The following AIMP2 variants were observed in gnomAD, a reference collection of about 807,000 sequenced individuals.
AIMP2 encodes aminoacyl tRNA synthase complex-interacting multifunctional protein 2.
AIMP2 carries 20 observed loss-of-function variants against 23.4 expected under a neutral mutation model. That is an observed-to-expected ratio of 0.85 (90% CI 0.60 to 1.24). The LOEUF (loss-of-function observed/expected upper bound fraction) is 1.24. Among genes scored for constraint, AIMP2 ranks in the 50% most tolerant of loss-of-function variants. The pLI is 0.00. For synonymous variants in AIMP2, 210 were observed against 170.4 expected, an observed-to-expected ratio of 1.23 and a Z score of -1.81; for missense variants, 515 against 414.5, an observed-to-expected ratio of 1.24 and a Z score of -2.10.
intron 1 of AIMP2, chr7:6,012,607 G>A (rs950077225): frequency 1.2e-5 from 3 of 247,620 alleles, no homozygotes; most frequent in South Asian, 1.0e-4. Flanking sequence ...ACCCAGTCTG[G>A]AGTGCAATGT....
chr7:6,022,041 G>A (rs1203349815), intron 3 of AIMP2, among the ~76,000 whole-genome samples: 2 of 152,072 alleles, frequency 1.3e-5, no homozygotes, highest in Non-Finnish European at 2.9e-5. Flanking sequence ...AGACCTTCAT[G>A]ATGATCCACT....
chr7:6,013,893 G>T (rs933414895), intron 1 of AIMP2, among the ~76,000 whole-genome samples: 2 of 150,606 alleles, frequency 1.3e-5, no homozygotes, highest in Non-Finnish European at 2.9e-5. Context: ...CAAGGCTGCA[G>T]TGGGCCATGA....
At chr7:6,017,295 C>G (rs1000022382) in intron 2 of AIMP2, among the ~76,000 whole-genome samples, 36 of 151,838 alleles carry the variant, frequency 2.4e-4, no homozygotes, top group African/African-American at 8.2e-4. Context: ...ACGGACAGGT[C>G]ATTTGAGGTC....
rs529247469 is a variant in AIMP2, at chr7:6,015,361, G to T, written c.342+9G>T. On this transcript the variant is annotated intron_variant, in intron 2 of 3. Coordinates refer to ENST00000223029, the MANE Select transcript of AIMP2 (RefSeq NM_006303.4). ...ATTCAGTGCTTGGGAAGGTAGGTTCGTTTTGAAAGCTGAAACGTTAGTAGG... is the reference window on the plus strand; with the variant it reads ...ATTCAGTGCTTGGGAAGGTAGGTTCTTTTTGAAAGCTGAAACGTTAGTAGG... 5 of 1,613,732 alleles carry T rather than the reference G, an allele frequency of 3.1e-6. No homozygotes were observed. In the Admixed American group the frequency reaches 8.3e-5, roughly 27 times the overall value.
Position 6,023,688 on chromosome 7 carries a change from G to A in AIMP2, c.960G>A (p.Lys320=). Residue 320 remains lysine, a synonymous_variant, in exon 4 of 4, where the codon AAG becomes AAA. Transcript: ENST00000223029. ...APFNTALKLL[K] is the part of the protein sequence containing the mutation. ...TTAACACGGCCCTCAAGCTCCTTAAGTGAATTGCCGTAACTGATTTTAAAG... is the reference window on the plus strand; with the variant it reads ...TTAACACGGCCCTCAAGCTCCTTAAATGAATTGCCGTAACTGATTTTAAAG... The A allele has an allele frequency of 6.2e-7, 1 of 1,614,080 alleles. No individual in the cohort carries two copies. Among genetic ancestry groups the A allele is most frequent in the Non-Finnish European group, 8.5e-7 (1 of 1,179,976 alleles).
At chr7:6,021,533 G>C (rs1787418333) in intron 3 of AIMP2, among the ~76,000 whole-genome samples, 1 of 152,044 alleles carries the variant, frequency 6.6e-6, no homozygotes, top group Non-Finnish European at 1.5e-5. Context: ...AGGAAACCAT[G>C]AAATAGATCA....
At chr7:6,017,282 A>G (rs1299927105) in intron 2 of AIMP2, among the ~76,000 whole-genome samples, 1 of 151,980 alleles carries the variant, frequency 6.6e-6, no homozygotes, top group Non-Finnish European at 1.5e-5. Context: ...TTGGGAGGCC[A>G]AGACGGACAG....
intron 1 of AIMP2, among the ~76,000 whole-genome samples, chr7:6,010,332 T>G (rs1786560297): frequency 6.6e-6 from 1 of 152,020 alleles, no homozygotes. Flanking sequence ...TTCTTTCCAC[T>G]TAAACCTTCC....
intron 3 of AIMP2, among the ~76,000 whole-genome samples, chr7:6,020,120 C>A (rs946839352): frequency 2.0e-5 from 3 of 151,910 alleles, no homozygotes; most frequent in African/African-American, 7.3e-5. Context: ...ATTCATCTCA[C>A]ATTGAAAATG....
chr7:6,009,401 G>C lies in AIMP2; in HGVS notation c.38G>C (p.Gly13Ala). 1 of 1,611,628 alleles carries C rather than the reference G, an allele frequency of 6.2e-7. No homozygotes were observed. Among genetic ancestry groups the C allele is most frequent in the Non-Finnish European group, 8.5e-7 (1 of 1,179,994 alleles). Residue 13 changes from glycine to alanine, a missense_variant, in exon 1 of 4, where the codon GGC becomes GCC. Transcript: ENST00000223029. ...MYQVKPYHGG[G>A]APLRVELPTC... ...CAGGTAAAGCCCTATCACGGGGGCG[G>C]CGCGCCTCTCCGTGTGGAGCTTCCC...
chr7:6,011,542 C>T (rs1378055381), intron 1 of AIMP2, among the ~76,000 whole-genome samples: 7 of 152,192 alleles, frequency 4.6e-5, no homozygotes, highest in Non-Finnish European at 7.3e-5. Context: ...ATGGGTGAAT[C>T]GGTAACTTTT....
At chr7:6,016,737 C>T (rs1014390474) in intron 2 of AIMP2, 2 of 151,532 alleles carry the variant, frequency 1.3e-5, no homozygotes, top group Non-Finnish European at 2.9e-5. Context: ...CTGCCTAGGC[C>T]GACGTGTGGG....
intron 2 of AIMP2, 39 bp from the exon 3 acceptor site, chr7:6,017,775 G>A (rs781764319): frequency 1.8e-5 from 28 of 1,567,812 alleles, no homozygotes; most frequent in East Asian, 4.6e-5. Context: ...GGCACTCTCC[G>A]ATGACTGTTA....
chr7:6,017,636 G>T (rs925868872), intron 2 of AIMP2, among the ~76,000 whole-genome samples, 178 bp from the exon 3 acceptor site: 1 of 152,074 alleles, frequency 6.6e-6, no homozygotes, highest in Non-Finnish European at 1.5e-5. Flanking sequence ...GCTCCACTCC[G>T]TCCTGAGCGA....
intron 3 of AIMP2, among the ~76,000 whole-genome samples, chr7:6,019,050 A>C (rs1787217859): frequency 6.6e-6 from 1 of 152,048 alleles, no homozygotes; most frequent in Admixed American, 6.6e-5. Flanking sequence ...TGAGCATGAA[A>C]TCCCAACTGC....
At chr7:6,020,390 C>T (rs946600572) in intron 3 of AIMP2, among the ~76,000 whole-genome samples, 15 of 152,048 alleles carry the variant, frequency 9.9e-5, no homozygotes, top group Admixed American at 8.5e-4. Context: ...CACTATACTC[C>T]AGCCTGGGCT....
chr7:6,010,083 G>C (rs1390370612), intron 1 of AIMP2, among the ~76,000 whole-genome samples: 1 of 148,542 alleles, frequency 6.7e-6, no homozygotes, highest in East Asian at 2.0e-4. Context: ...TGAATCCCAA[G>C]AGTTTGAGAC....
intron 3 of AIMP2, chr7:6,022,280 A>C (rs1407553089): frequency 6.6e-6 from 1 of 152,178 alleles, no homozygotes. Flanking sequence ...GTTTATTGTA[A>C]GAATATAGCA....
intron 3 of AIMP2, among the ~76,000 whole-genome samples, chr7:6,021,935 G>C (rs10951975): frequency 0.2 from 29,827 of 151,984 alleles, 3,852 homozygotes; most frequent in African/African-American, 0.37. Flanking sequence ...CTTGCCTCTC[G>C]TCCTTTCCTG....
Sources: gnomAD v4.1 joint callset for allele counts (sites outside exome capture counted in the v4.1 genomes callset) on GRCh38, gnomAD v4.1.1 for gene constraint, MANE v1.5 for transcripts, NCBI Gene and HGNC (gene_info 2026-07-23, HGNC 2026-07-21) for gene names.